Variants in ENPP3 observed in about 807,000 individuals in gnomAD.
ENPP3 encodes the protein ectonucleotide pyrophosphatase/phosphodiesterase family member 3.
A neutral mutation model predicts 117.8 loss-of-function variants in ENPP3; 104 were observed. The ratio of observed to expected loss-of-function variants is 0.88; its 90% CI spans 0.75 to 1.04. ENPP3 has a LOEUF of 1.04. Among genes scored for constraint, ENPP3 ranks in the 50% least tolerant of loss-of-function variants. ENPP3 has a pLI of 0.00. For synonymous variants in ENPP3, 380 were observed against 349.9 expected, an observed-to-expected ratio of 1.09 and a Z score of -0.96; for missense variants, 1,026 against 1,051.9, an observed-to-expected ratio of 0.98 and a Z score of 0.34.
intron 15 of ENPP3, chr6:131,710,081 C>A (rs574124456): frequency 6.2e-7 from 1 of 1,613,742 alleles, no homozygotes; most frequent in African/African-American, 1.3e-5. Flanking sequence ...TTCAAAGCTC[C>A]TTTCGGAGGA....
chr6:131,662,271 G>T (rs558521743), intron 6 of ENPP3, among the ~76,000 whole-genome samples: 9 of 151,394 alleles, frequency 5.9e-5, no homozygotes, highest in African/African-American at 2.2e-4. Context: ...CTGAGATAGG[G>T]TCTCACTCTG....
chr6:131,668,361 C>T (rs1465154912), intron 6 of ENPP3, among the ~76,000 whole-genome samples: 5 of 151,766 alleles, frequency 3.3e-5, no homozygotes, highest in Non-Finnish European at 7.4e-5. Flanking sequence ...ATTACAGGCA[C>T]GCGCCACTGC....
At chr6:131,689,265 T>C (rs1427912484) in intron 14 of ENPP3, among the ~76,000 whole-genome samples, 1 of 152,184 alleles carries the variant, frequency 6.6e-6, no homozygotes, top group Non-Finnish European at 1.5e-5. Flanking sequence ...AGATGCCATC[T>C]AGGACTTTCA....
intron 6 of ENPP3, among the ~76,000 whole-genome samples, chr6:131,658,809 G>T (rs1412448923): frequency 2.0e-5 from 3 of 152,162 alleles, no homozygotes; most frequent in Non-Finnish European, 4.4e-5. Flanking sequence ...GACAGATCCA[G>T]CACCTCCCAC....
chr6:131,709,493 C>T (rs1201533454), intron 15 of ENPP3: 2 of 1,613,086 alleles, frequency 1.2e-6, no homozygotes, highest in Non-Finnish European at 1.7e-6. Context: ...GTATTTGAAA[C>T]ATCGAGTGCA....
chr6:131,716,561 T>C (rs1348472704), intron 15 of ENPP3, among the ~76,000 whole-genome samples: 1 of 151,228 alleles, frequency 6.6e-6, no homozygotes, highest in East Asian at 2.0e-4. Context: ...TAATGAACAT[T>C]CTAGCTTTCC....
intron 24 of ENPP3, among the ~76,000 whole-genome samples, chr6:131,743,543 C>T (rs1004467096): frequency 6.6e-6 from 1 of 151,828 alleles, no homozygotes; most frequent in African/African-American, 2.4e-5. Context: ...ATTCTAAAGT[C>T]GACAGAGGCC....
chr6:131,738,380 G>A (rs879434580), intron 23 of ENPP3, among the ~76,000 whole-genome samples: 2 of 152,122 alleles, frequency 1.3e-5, no homozygotes, highest in Admixed American at 6.5e-5. Context: ...GAAAAGTTTA[G>A]CAAAATTTTA....
chr6:131,640,730 A>G (rs1471596508), intron 1 of ENPP3, among the ~76,000 whole-genome samples: 1 of 152,192 alleles, frequency 6.6e-6, no homozygotes, highest in Non-Finnish European at 1.5e-5. Context: ...AAGCCCTGTC[A>G]TCCAGCATGC....
intron 2 of ENPP3, among the ~76,000 whole-genome samples, chr6:131,645,657 G>C (rs1778139287): frequency 6.6e-6 from 1 of 152,176 alleles, no homozygotes; most frequent in African/African-American, 2.4e-5. Context: ...CCTAACACTT[G>C]ACAGTTTGGC....
chr6:131,724,475 G>A (rs144215853), intron 19 of ENPP3, among the ~76,000 whole-genome samples: 30 of 152,162 alleles, frequency 2.0e-4, no homozygotes, highest in East Asian at 1.9e-4. Flanking sequence ...TGTAATAACC[G>A]TACTCACCTC....
At chr6:131,662,338 A>G (rs1778520680) in intron 6 of ENPP3, among the ~76,000 whole-genome samples, 1 of 151,832 alleles carries the variant, frequency 6.6e-6, no homozygotes. Flanking sequence ...TCTGCCTCCC[A>G]GGCTTAAGCA....
At chr6:131,658,801 C>G (rs1393201000) in intron 6 of ENPP3, among the ~76,000 whole-genome samples, 2 of 152,172 alleles carry the variant, frequency 1.3e-5, no homozygotes, top group Admixed American at 6.5e-5. Context: ...TGGGCTTAGA[C>G]AGATCCAGCA....
At chr6:131,732,679 A>G (rs1780308103) in intron 20 of ENPP3, among the ~76,000 whole-genome samples, 1 of 151,160 alleles carries the variant, frequency 6.6e-6, no homozygotes, top group African/African-American at 2.4e-5. Flanking sequence ...TGCTGGGACT[A>G]CTGGCATGAG....
intron 15 of ENPP3, among the ~76,000 whole-genome samples, chr6:131,697,363 G>A (rs755087005): frequency 4.9e-5 from 7 of 141,742 alleles, no homozygotes; most frequent in Non-Finnish European, 7.6e-5. Flanking sequence ...ATGGTCTAGC[G>A]CAGTGGTCCC....
intron 5 of ENPP3, 140 bp from the exon 6 acceptor site, chr6:131,658,183 A>T (rs1188169473): frequency 8.2e-6 from 5 of 606,370 alleles, no homozygotes; most frequent in Admixed American, 3.3e-5. Context: ...TTAAAAAAAT[A>T]AAAAATGACA....
At chr6:131,657,934 G>A (rs971335842) in intron 5 of ENPP3, among the ~76,000 whole-genome samples, 2 of 152,002 alleles carry the variant, frequency 1.3e-5, no homozygotes, top group Admixed American at 6.6e-5. Context: ...AGGCCAAGGC[G>A]GGCGGATCAC....
intron 14 of ENPP3, among the ~76,000 whole-genome samples, chr6:131,688,039 T>A (rs1236267973): frequency 6.6e-6 from 1 of 152,224 alleles, no homozygotes; most frequent in Non-Finnish European, 1.5e-5. Flanking sequence ...TTCAACAGCA[T>A]GTGCCCGCTT....
intron 14 of ENPP3, among the ~76,000 whole-genome samples, chr6:131,689,698 A>G (rs1452769324): frequency 6.6e-6 from 1 of 152,248 alleles, no homozygotes; most frequent in Non-Finnish European, 1.5e-5. Context: ...CTTATTCTTT[A>G]AGAAATACAT....
Sources: allele counts gnomAD v4.1 joint callset (sites outside exome capture counted in the v4.1 genomes callset), GRCh38; gene constraint gnomAD v4.1.1; transcripts MANE v1.5; gene names NCBI Gene and HGNC (gene_info 2026-07-23, HGNC 2026-07-21).